The following RUFY3 variants were observed in gnomAD, a reference collection of about 807,000 sequenced individuals.
RUFY3 encodes the protein RUN and FYVE domain containing 3.
In RUFY3, 34 loss-of-function variants were observed where a neutral mutation model predicts 84.0. The ratio of observed to expected loss-of-function variants is 0.40; its 90% confidence interval spans 0.31 to 0.54. The LOEUF is 0.54. Among genes scored for constraint, RUFY3 ranks in the 20% least tolerant of loss-of-function variants. The probability of loss-of-function intolerance (pLI) is 0.39; values close to 1 mark genes in which losing one functional copy is unlikely to be tolerated. For synonymous variants in RUFY3, 242 were observed against 252.9 expected (o/e 0.96, Z 0.41); for missense variants, 507 against 736.8 (o/e 0.69, Z 3.61).
At chr4:70,734,615 T>C (rs1719983845) in intron 1 of RUFY3, 1 of 964,052 alleles carries the variant, frequency 1.0e-6, no homozygotes. Context: ...CCACTTAGCT[T>C]CCAGGATTTT....
rs1364649709 is a variant in RUFY3 at position 70,763,457 on chromosome 4, T to C, written c.353-95T>C. On this transcript the variant is annotated intron_variant, in intron 2 of 17. Coordinates refer to ENST00000381006, the MANE Select transcript of RUFY3 (RefSeq NM_001037442.4). ...AAACCATCTTATAACCTAGGATTGG[T>C]TTCCTGAAAAGTTGTGTGTGTATGT... is the stretch of plus-strand genomic sequence containing the variant. 4.8e-6 allele frequency: 4 copies of C among 838,088 alleles called. No individual in the cohort carries two copies. In the Admixed American group the frequency reaches 1.0e-4, roughly 21 times the overall value. The allele number at this position is 838,088 out of a possible 1,614,324, so 51.9% of individuals were successfully genotyped here.
chr4:70,741,006 G>T (rs1197988203), intron 1 of RUFY3, among the ~76,000 whole-genome samples: 1 of 152,036 alleles, frequency 6.6e-6, no homozygotes, highest in Non-Finnish European at 1.5e-5. Context: ...TTGATTGTAG[G>T]TTACTGCCTC....
chr4:70,744,085 A>T (rs1721751987), intron 1 of RUFY3, among the ~76,000 whole-genome samples: 2 of 152,244 alleles, frequency 1.3e-5, no homozygotes. Context: ...CTGATGATAT[A>T]TGCAGGCTCA....
intron 1 of RUFY3, among the ~76,000 whole-genome samples, chr4:70,738,976 A>C (rs1256430030): frequency 6.6e-6 from 1 of 151,894 alleles, no homozygotes; most frequent in Non-Finnish European, 1.5e-5. Flanking sequence ...CTGCCTTCCA[A>C]AGTGCTGGGA....
chr4:70,709,538 C>G (rs1365078260), intron 1 of RUFY3, among the ~76,000 whole-genome samples: 1 of 152,170 alleles, frequency 6.6e-6, no homozygotes, highest in African/African-American at 2.4e-5. Context: ...GCTTTATCCT[C>G]TTGGTGTATG....
At chr4:70,800,339 T>A (rs1016394438) in intron 15 of RUFY3, 134 bp downstream of exon 15, 10 of 641,900 alleles carry the variant, frequency 1.6e-5, no homozygotes, top group Non-Finnish European at 2.6e-5. Context: ...GGAAGACATT[T>A]GAAGTGGAAG....
chr4:70,705,059 G>C, exon 1 of RUFY3: 1 of 1,280,896 alleles, frequency 7.8e-7, no homozygotes, highest in Non-Finnish European at 9.8e-7. Flanking sequence ...CGGACCGAGA[G>C]GGCGAGGCGG....
chr4:70,708,414 G>A (rs890555538), intron 1 of RUFY3, among the ~76,000 whole-genome samples: 3 of 151,658 alleles, frequency 2.0e-5, no homozygotes, highest in East Asian at 1.9e-4. Flanking sequence ...CACCCTCCTC[G>A]GCCTCACAAG....
At chr4:70,781,663 G>A (rs1728938582) in intron 8 of RUFY3, among the ~76,000 whole-genome samples, 1 of 152,150 alleles carries the variant, frequency 6.6e-6, no homozygotes, top group Non-Finnish European at 1.5e-5. Flanking sequence ...AATTGGTTTC[G>A]TGCACATTTT....
rs527604528 is a variant in RUFY3 at position 70,779,299 on chromosome 4, G to A, written c.894+861G>A. Among the ~76,000 whole-genome samples, 21 of 152,238 alleles carry A rather than the reference G, an allele frequency of 1.4e-4. 1 individual carries two copies. In the South Asian group the frequency reaches 4.4e-3, roughly 32 times the overall value. ...AAGTCAGCCACTTGACCTCCAAGAG[G>A]CTGAGTTCCGTCACTGGAAAATGAG... On this transcript the variant is annotated intron_variant, in intron 8 of 17. Coordinates refer to ENST00000381006, the MANE Select transcript of RUFY3 (RefSeq NM_001037442.4).
intron 14 of RUFY3, among the ~76,000 whole-genome samples, chr4:70,797,377 AATACGCGTTT>A (rs1191265987): frequency 6.6e-6 from 1 of 152,210 alleles, no homozygotes; most frequent in Non-Finnish European, 1.5e-5. Context: ...GTCTTTTCGT[AATACGCGTTT>A]TCCATGAACT....
At chr4:70,774,764 GC>G (rs1727641323) in intron 6 of RUFY3, among the ~76,000 whole-genome samples, 1 of 148,022 alleles carries the variant, frequency 6.8e-6, no homozygotes. Flanking sequence ...CTTGAGAACA[GC>G]TATATTACAT....
chr4:70,772,012 AGAG>A (rs1727049636), intron 5 of RUFY3, among the ~76,000 whole-genome samples: 1 of 152,020 alleles, frequency 6.6e-6, no homozygotes. Context: ...AGGAGGAGGA[AGAG>A]GAGGCGGTTG....
rs72861324 is a variant in RUFY3, at chr4:70,711,273, A to G, written c.358+5979A>G. Among the ~76,000 whole-genome samples, 484 of 152,062 alleles carry G rather than the reference A, an allele frequency of 3.2e-3. 7 individuals are homozygous for G. The highest frequency in any genetic ancestry group is 0.011 in the African/African-American group (464 of 41,480). ...CATGTCCGGCCTCAAGCACGTGTTA[A>G]TCAGTTCACCTGCTGTATGCTTCTT... is the stretch of plus-strand genomic sequence containing the variant. On this transcript the variant is annotated intron_variant, in intron 1 of 11. Transcript: ENST00000417478.
chr4:70,790,369 C>G (rs758120890), intron 12 of RUFY3, among the ~76,000 whole-genome samples: 24 of 152,228 alleles, frequency 1.6e-4, no homozygotes, highest in Non-Finnish European at 2.9e-4. Flanking sequence ...ACCCTTAACA[C>G]CTGTTTGTCA....
chr4:70,721,760 C>T, upstream of RUFY3: 2 of 693,960 alleles, frequency 2.9e-6, no homozygotes, highest in Middle Eastern at 1.5e-3. Flanking sequence ...GTCCTTGATC[C>T]CAAAGTAAGA....
chr4:70,778,176 G>C (rs960033173), intron 7 of RUFY3, among the ~76,000 whole-genome samples, 193 bp from the exon 8 acceptor site: 2 of 152,124 alleles, frequency 1.3e-5, no homozygotes, highest in African/African-American at 4.8e-5. Flanking sequence ...AGAGGTTGCA[G>C]GGAGCCGAGA....
intron 6 of RUFY3, among the ~76,000 whole-genome samples, chr4:70,774,663 AT>A (rs1727610795): frequency 7.4e-6 from 1 of 135,382 alleles, no homozygotes; most frequent in Non-Finnish European, 1.6e-5. Context: ...ATATATATAT[AT>A]ATATATAAAA....
chr4:70,715,568 G>A (rs1266429003), intron 1 of RUFY3, among the ~76,000 whole-genome samples: 2 of 144,158 alleles, frequency 1.4e-5, no homozygotes, highest in Admixed American at 7.0e-5. Context: ...CCCTAACCCG[G>A]GTGAGAGTAA....
Sources: gnomAD v4.1 joint callset for allele counts (sites outside exome capture counted in the v4.1 genomes callset) on GRCh38, gnomAD v4.1.1 for gene constraint, MANE v1.5 for transcripts, NCBI Gene and HGNC (gene_info 2026-07-23, HGNC 2026-07-21) for gene names.